The following MED13L variants were observed in gnomAD, a reference collection of about 807,000 sequenced individuals.
MED13L encodes the protein mediator of RNA polymerase II transcription subunit 13-like.
MED13L carries 7 observed loss-of-function variants against 220.9 expected under a neutral mutation model. The ratio of observed to expected loss-of-function variants is 0.03; its 90% CI spans 0.02 to 0.06. MED13L has a LOEUF of 0.06. Ranked by LOEUF, MED13L falls within the 10% of genes least tolerant of loss-of-function variation. MED13L has a pLI of 1.00. For missense variants in MED13L, 1,965 were observed against 2,760.5 expected (o/e 0.71, Z 6.46); for synonymous variants, 1,011 against 1,015.2 (o/e 1.00, Z 0.08).
At chr12:116,253,591 C>T (rs1033402328) in intron 1 of MED13L, among the ~76,000 whole-genome samples, 2 of 151,774 alleles carry the variant, frequency 1.3e-5, no homozygotes, top group African/African-American at 4.8e-5. Flanking sequence ...ATAATAATAC[C>T]ATAAGCTTAA....
chr12:116,016,555 T>C (rs1487561401), intron 7 of MED13L, among the ~76,000 whole-genome samples: 1 of 152,070 alleles, frequency 6.6e-6, no homozygotes, highest in African/African-American at 2.4e-5. Flanking sequence ...CTCCAAAACA[T>C]CCTATGATAT....
chr12:116,237,067 CA>C (rs939862008), intron 2 of MED13L, among the ~76,000 whole-genome samples: 3 of 152,160 alleles, frequency 2.0e-5, no homozygotes, highest in Non-Finnish European at 4.4e-5. Context: ...AATTTTCCAC[CA>C]AAGAGTTCAG....
chr12:116,138,158 A>G (rs1286917195), intron 2 of MED13L, among the ~76,000 whole-genome samples: 1 of 152,198 alleles, frequency 6.6e-6, no homozygotes, highest in Non-Finnish European at 1.5e-5. Context: ...GCCCGGCCTG[A>G]CATAAATTTT....
At chr12:116,136,180 C>A (rs1055717323) in intron 2 of MED13L, among the ~76,000 whole-genome samples, 7 of 152,102 alleles carry the variant, frequency 4.6e-5, no homozygotes, top group Non-Finnish European at 1.0e-4. Context: ...GGATTACAGG[C>A]GTGAGCCACT....
In MED13L at chr12:116,226,599, C is replaced by T. The variant is rs377014509; in HGVS notation, c.310+10869G>A. 2.6e-4 allele frequency among the ~76,000 whole-genome samples: 39 copies of T among 152,126 alleles called. No homozygotes were observed. In the South Asian group the frequency reaches 2.7e-3, roughly 10 times the overall value. On this transcript the variant is annotated intron_variant, in intron 2 of 30. Coordinates refer to ENST00000281928, the MANE Select transcript of MED13L (RefSeq NM_015335.5). The stretch of plus-strand genomic sequence containing the variant: ...TAAAACAGATTTCGGCCAGGAGTGG[C>T]GGCTCACGCCTATAATCCCAGCGCT...
chr12:115,975,406 A>C (rs2137242816), intron 24 of MED13L, 93 bp from the exon 25 acceptor site: 1 of 1,601,448 alleles, frequency 6.2e-7, no homozygotes, highest in Admixed American at 1.7e-5. Flanking sequence ...ATTCCAAAGA[A>C]CCTATCCATG....
At chr12:115,982,143 G>C (rs1231501578) in intron 22 of MED13L, 14 of 515,750 alleles carry the variant, frequency 2.7e-5, no homozygotes, top group Non-Finnish European at 4.5e-5. Context: ...ATGTGTGTAA[G>C]GTGTATATGA....
intron 5 of MED13L, 73 bp downstream of exon 5, chr12:116,022,383 A>G: frequency 6.3e-7 from 1 of 1,582,522 alleles, no homozygotes; most frequent in Non-Finnish European, 8.7e-7. Flanking sequence ...CTCACCCTGC[A>G]AAACTTTACT....
intron 1 of MED13L, among the ~76,000 whole-genome samples, chr12:116,269,466 CAAAAAAAAAAAAA>C (rs34100053): frequency 1.4e-5 from 1 of 69,136 alleles, no homozygotes; most frequent in African/African-American, 6.2e-5. Context: ...TTAAACTATG[CAAAAAAAAAAAAA>C]AAAAAAAAAG....
intron 2 of MED13L, among the ~76,000 whole-genome samples, chr12:116,129,443 C>T (rs1230726027): frequency 6.6e-6 from 1 of 152,104 alleles, no homozygotes; most frequent in Admixed American, 6.6e-5. Context: ...ATACACTGTC[C>T]TGTTTATTTT....
chr12:116,213,309 C>A (rs1274487692), intron 2 of MED13L, among the ~76,000 whole-genome samples: 2 of 152,124 alleles, frequency 1.3e-5, no homozygotes, highest in Non-Finnish European at 2.9e-5. Flanking sequence ...GCTTGCAAAT[C>A]AAAGACAAAA....
intron 2 of MED13L, among the ~76,000 whole-genome samples, chr12:116,197,652 G>C (rs963390139): frequency 6.6e-6 from 1 of 152,010 alleles, no homozygotes; most frequent in African/African-American, 2.4e-5. Context: ...TATAATTTCA[G>C]CTACTCGGGA....
intron 4 of MED13L, among the ~76,000 whole-genome samples, chr12:116,091,158 T>C (rs1872171248): frequency 6.7e-6 from 1 of 149,120 alleles, no homozygotes; most frequent in Non-Finnish European, 1.5e-5. Flanking sequence ...AAAAACAAGG[T>C]ATATCTTTTA....
At chr12:116,093,618 T>C (rs1872425659) in intron 4 of MED13L, among the ~76,000 whole-genome samples, 1 of 151,972 alleles carries the variant, frequency 6.6e-6, no homozygotes, top group African/African-American at 2.4e-5. Flanking sequence ...ATCTAAAATA[T>C]GCAGTATGAG....
At position 115,997,137 on chromosome 12, in the gene MED13L, C is replaced by T. The variant is rs61756229; in HGVS notation, c.2663G>A (p.Ser888Asn). 9 of 1,614,076 alleles carry T rather than the reference C, an allele frequency of 5.6e-6. No individual in the cohort carries two copies. The highest frequency in any genetic ancestry group is 6.8e-6 in the Non-Finnish European group (8 of 1,179,952). The change falls in exon 15 of 31, where the codon AGC becomes AAC. Residue 888 changes from serine (S) to asparagine (N), a missense_variant. Ser to Asn is a conservative substitution (Grantham distance 46, BLOSUM62 1). This residue lies in a region of MED13L where 233 missense variants were observed against 306.2 expected (regional missense o/e 0.76). Transcript: ENST00000281928. ...GCCTAATGCTGTCACTGTCTCTGAG[C>T]TGATCCCATCTTTATAATTCATCAC... ...SPVMNYKDGI[S>N]SETVTALGMM...
At chr12:116,014,955 T>G (rs1879635627) in intron 8 of MED13L, among the ~76,000 whole-genome samples, 154 bp downstream of exon 8, 1 of 152,244 alleles carries the variant, frequency 6.6e-6, no homozygotes, top group Non-Finnish European at 1.5e-5. Context: ...CATATTTATT[T>G]CAAATTTTAT....
In MED13L at chr12:116,009,089, G is replaced by A; in HGVS notation, c.1324C>T (p.Pro442Ser). The change falls in exon 10 of 31, where the codon CCC (proline) becomes TCC (serine). Residue 442 changes from proline (P) to serine (S), a missense_variant. Coordinates refer to ENST00000281928, the MANE Select transcript of MED13L (RefSeq NM_015335.5). ...KRCAVGPNRP[P>S]TVSQPGFSAG... ...CTGAACCCTGGTTGAGATACTGTGG[G>A]AGGTCGATTGGGCCCGACTGCACAA... 6.2e-7 allele frequency: 1 copy of A among 1,614,068 alleles called. No individual in the cohort carries two copies. The highest frequency in any genetic ancestry group is 2.2e-5 in the East Asian group (1 of 44,864).
intron 4 of MED13L, among the ~76,000 whole-genome samples, chr12:116,096,164 G>T (rs1872617162): frequency 6.6e-6 from 1 of 151,450 alleles, no homozygotes; most frequent in Admixed American, 6.6e-5. Flanking sequence ...GACCAGCCTG[G>T]GCAACACAGC....
chr12:115,994,285 C>T (rs182761705), intron 16 of MED13L, among the ~76,000 whole-genome samples: 41 of 152,158 alleles, frequency 2.7e-4, no homozygotes, highest in African/African-American at 9.9e-4. Flanking sequence ...AACTCTACAA[C>T]AAAATTTCAT....
Sources: gnomAD v4.1 joint callset for allele counts (sites outside exome capture counted in the v4.1 genomes callset) on GRCh38, gnomAD v4.1.1 for gene constraint, gnomAD v4.1.1 regional missense constraint, MANE v1.5 for transcripts, NCBI Gene and HGNC (gene_info 2026-07-23, HGNC 2026-07-21) for gene names.